The following MAGI2 variants were observed in gnomAD, a reference collection of about 807,000 sequenced individuals.
The protein encoded by MAGI2 is membrane-associated guanylate kinase, WW and PDZ domain-containing protein 2.
MAGI2 carries 35 observed loss-of-function variants against 133.3 expected under a neutral mutation model. That is an observed-to-expected ratio of 0.26 (90% CI 0.20 to 0.35). The LOEUF (loss-of-function observed/expected upper bound fraction) is 0.35, where lower values mean the gene tolerates loss of function less well. Among genes scored for constraint, MAGI2 ranks in the 10% least tolerant of loss-of-function variants. The probability of loss-of-function intolerance (pLI) is 1.00; values close to 1 mark genes in which losing one functional copy is unlikely to be tolerated. For missense variants in MAGI2, 1,636 were observed against 1,863.4 expected (o/e 0.88, Z 2.25); for synonymous variants, 729 against 710.6 (o/e 1.03, Z -0.41).
intron 10 of MAGI2, among the ~76,000 whole-genome samples, chr7:78,207,849 G>C (rs1787260471): frequency 6.6e-6 from 1 of 152,036 alleles, no homozygotes. Flanking sequence ...TACCATCTTT[G>C]ACCTGCAGAA....
chr7:78,375,403 T>A (rs1389022834), intron 6 of MAGI2, among the ~76,000 whole-genome samples: 2 of 152,036 alleles, frequency 1.3e-5, no homozygotes, highest in Admixed American at 1.3e-4. Flanking sequence ...TGTAAATTCA[T>A]GTAAGGTTGT....
At chr7:79,200,477 GACCCACACCTGTTGTCCC>G (rs1218032869) in intron 1 of MAGI2, among the ~76,000 whole-genome samples, 2 of 151,022 alleles carry the variant, frequency 1.3e-5, no homozygotes, top group African/African-American at 4.9e-5. Context: ...CAGATTTGGT[GACCCACACCTGTTGTCCC>G]ACCTACTTGG....
rs1562961284 is a variant in MAGI2 at position 79,171,765 on chromosome 7, TA to T, written c.302-164560del. On this transcript the variant is annotated intron_variant, in intron 1 of 21. Coordinates refer to ENST00000354212, the MANE Select transcript of MAGI2 (RefSeq NM_012301.4). ...AAAAATATATATATATATATATATATATATATTTTTTTTTTTTTTTTCTTTT... is the reference window on the plus strand; with the variant it reads ...AAAAATATATATATATATATATATATTATATTTTTTTTTTTTTTTTCTTTT... Among the ~76,000 whole-genome samples the T allele has an allele frequency of 4.9e-3, 253 of 51,314 alleles. 6 individuals carry two copies. The highest frequency in any genetic ancestry group is 0.017 in the African/African-American group (242 of 14,542). The allele number at this position is 51,314 out of a possible 152,430, so 33.7% of individuals were successfully genotyped here.
intron 9 of MAGI2, among the ~76,000 whole-genome samples, chr7:78,316,492 G>A (rs955219346): frequency 1.3e-5 from 2 of 152,166 alleles, no homozygotes; most frequent in Admixed American, 1.3e-4. Context: ...ACAAGAAAAA[G>A]TACTCTGTAA....
intron 5 of MAGI2, chr7:78,490,181 G>T: frequency 3.1e-6 from 1 of 325,372 alleles, no homozygotes. Context: ...CACAGGCTCT[G>T]ATAATGTTTC....
rs1376462062 is a variant in MAGI2 at position 78,494,183 on chromosome 7, C to T, written c.966-4343G>A. Among the ~76,000 whole-genome samples, 3 of 151,864 alleles carry T rather than the reference C, an allele frequency of 2.0e-5. No individual in the cohort carries two copies. The East Asian group carries it at 5.8e-4, about 29-fold the overall frequency. On this transcript the variant is annotated intron_variant, in intron 5 of 21. Coordinates refer to ENST00000354212, the MANE Select transcript of MAGI2 (RefSeq NM_012301.4). The stretch of plus-strand genomic sequence containing the variant: ...TTTTCTGTAGAGATGGGGTCAAATT[C>T]CTGAGCTCAAGCAATCTGCCTGCCT...
chr7:78,626,481 CAG>C (rs1808359153), intron 3 of MAGI2, among the ~76,000 whole-genome samples: 1 of 152,224 alleles, frequency 6.6e-6, no homozygotes, highest in African/African-American at 2.4e-5. Flanking sequence ...TAGTTTGAAA[CAG>C]AGATTTTGGC....
At chr7:78,136,288 T>G (rs538628183) in intron 16 of MAGI2, among the ~76,000 whole-genome samples, 52 of 152,124 alleles carry the variant, frequency 3.4e-4, no homozygotes, top group African/African-American at 1.1e-3. Flanking sequence ...CCTGGCTAAT[T>G]TTTTTGTATT....
At chr7:79,418,432 T>G (rs1476357411) in intron 1 of MAGI2, among the ~76,000 whole-genome samples, 1 of 152,072 alleles carries the variant, frequency 6.6e-6, no homozygotes, top group Non-Finnish European at 1.5e-5. Context: ...TCTAAAAATA[T>G]TCCTTCCTAT....
chr7:78,698,533 G>A (rs544157812), intron 2 of MAGI2, among the ~76,000 whole-genome samples: 7 of 151,978 alleles, frequency 4.6e-5, no homozygotes, highest in African/African-American at 9.7e-5. Flanking sequence ...CTTATGTGTC[G>A]GTACGTTTAA....
At chr7:78,967,621 T>TA (rs1803437122) in intron 2 of MAGI2, among the ~76,000 whole-genome samples, 6 of 147,752 alleles carry the variant, frequency 4.1e-5, no homozygotes, top group Admixed American at 3.3e-4. Flanking sequence ...TGATTTTTTT[T>TA]TTATATATAT....
chr7:79,356,826 T>C (rs1021361804), intron 1 of MAGI2, among the ~76,000 whole-genome samples: 6 of 152,186 alleles, frequency 3.9e-5, no homozygotes, highest in Admixed American at 3.3e-4. Flanking sequence ...TGTGGGGTTT[T>C]GTCATCGGGT....
rs989691740 is a variant in MAGI2 at position 79,158,871 on chromosome 7, C to A, written c.302-151665G>T. On this transcript the variant is annotated intron_variant, in intron 1 of 21. Coordinates refer to ENST00000354212, the MANE Select transcript of MAGI2 (RefSeq NM_012301.4). ...AATTTTATTAATTGATATTAAGTAT[C>A]TAGATAATTTCCAATTTAAAAGTTA... 1.3e-5 allele frequency among the ~76,000 whole-genome samples: 2 copies of A among 151,874 alleles called. 1 individual carries two copies. The highest frequency in any genetic ancestry group is 4.1e-4 in the South Asian group (2 of 4,820).
At chr7:78,041,443 A>G (rs956726917) in intron 21 of MAGI2, among the ~76,000 whole-genome samples, 1 of 152,190 alleles carries the variant, frequency 6.6e-6, no homozygotes, top group Non-Finnish European at 1.5e-5. Flanking sequence ...TGGGAGCCCA[A>G]GGTGGGAGGA....
chr7:78,690,161 C>T (rs2151119378), intron 2 of MAGI2, among the ~76,000 whole-genome samples: 1 of 152,110 alleles, frequency 6.6e-6, no homozygotes, highest in African/African-American at 2.4e-5. Context: ...TTTTATTTTC[C>T]TATCTTTTAA....
chr7:78,150,390 A>T (rs944360252), intron 16 of MAGI2, among the ~76,000 whole-genome samples: 30 of 152,198 alleles, frequency 2.0e-4, no homozygotes, highest in African/African-American at 6.3e-4. Context: ...TTGGGAAGAA[A>T]GAGAAAAATA....
At chr7:79,217,970 A>G (rs1036686994) in intron 1 of MAGI2, among the ~76,000 whole-genome samples, 9 of 152,000 alleles carry the variant, frequency 5.9e-5, no homozygotes, top group African/African-American at 1.9e-4. Flanking sequence ...AACAACATGC[A>G]CGAATATTAG....
intron 2 of MAGI2, among the ~76,000 whole-genome samples, chr7:78,848,023 A>C (rs370493606): frequency 7.9e-5 from 12 of 152,054 alleles, no homozygotes; most frequent in African/African-American, 2.9e-4. Flanking sequence ...AAATGATGTC[A>C]TCTAGGTGAT....
intron 6 of MAGI2, among the ~76,000 whole-genome samples, chr7:78,376,530 T>C (rs1193350015): frequency 6.6e-6 from 1 of 152,146 alleles, no homozygotes; most frequent in Non-Finnish European, 1.5e-5. Context: ...ATTAAAATAC[T>C]GACCATGATT....
Sources: gnomAD v4.1 joint callset for allele counts (sites outside exome capture counted in the v4.1 genomes callset) on GRCh38, gnomAD v4.1.1 for gene constraint, MANE v1.5 for transcripts, NCBI Gene and HGNC (gene_info 2026-07-23, HGNC 2026-07-21) for gene names.